CORO1C: variants seen among roughly 807,000 people sequenced by gnomAD.
The protein encoded by CORO1C is coronin-1C.
Under a neutral mutation model 51.2 loss-of-function variants are expected in CORO1C, and 14 were observed. The observed-to-expected ratio is 0.27, with a 90% CI of 0.18 to 0.43. The LOEUF (loss-of-function observed/expected upper bound fraction) is 0.43. CORO1C is among the 20% of genes least tolerant of loss of function. CORO1C has a pLI of 1.00. For synonymous variants in CORO1C, 181 were observed against 210.5 expected, an observed-to-expected ratio of 0.86 and a Z score of 1.21; for missense variants, 417 against 607.8, an observed-to-expected ratio of 0.69 and a Z score of 3.30.
At chr12:108,648,919 A>C (rs1016189130) in intron 9 of CORO1C, 44 bp downstream of exon 9, 1 of 1,610,708 alleles carries the variant, frequency 6.2e-7, no homozygotes, top group Non-Finnish European at 8.5e-7. Context: ...TTTTATTTTT[A>C]CATTTGTTTA....
intron 4 of CORO1C, among the ~76,000 whole-genome samples, chr12:108,661,055 G>T (rs1419833121): frequency 6.6e-6 from 1 of 151,982 alleles, no homozygotes; most frequent in African/African-American, 2.4e-5. Flanking sequence ...TTTTATTAAG[G>T]TATAACTTAC....
At chr12:108,709,129 A>G (rs560080300) in intron 1 of CORO1C, among the ~76,000 whole-genome samples, 1 of 152,226 alleles carries the variant, frequency 6.6e-6, no homozygotes, top group African/African-American at 2.4e-5. Flanking sequence ...TTATATATAT[A>G]TACTATAAAC....
chr12:108,677,244 T>C (rs527246620), intron 3 of CORO1C, among the ~76,000 whole-genome samples: 1 of 152,242 alleles, frequency 6.6e-6, no homozygotes, highest in South Asian at 2.1e-4. Context: ...CTTTTCAGCC[T>C]ACTTTGGGCT....
At chr12:108,728,275 T>C (rs2035636717) in intron 1 of CORO1C, among the ~76,000 whole-genome samples, 1 of 152,072 alleles carries the variant, frequency 6.6e-6, no homozygotes, top group Non-Finnish European at 1.5e-5. Flanking sequence ...CACCCAAATG[T>C]TCATCAACTG....
chr12:108,679,109 C>CAAAAAAAAAAAAAAAAAAAAAAAAAAAAA (rs1183326267), intron 2 of CORO1C, among the ~76,000 whole-genome samples: 1 of 22,158 alleles, frequency 4.5e-5, no homozygotes, highest in African/African-American at 1.4e-4. Context: ...GACTCTGTCT[C>CAAAAAAAAAAAAAAAAAAAAAAAAAAAAA]AAAAAAAAAA....
rs773732877 is a variant in CORO1C at position 108,678,406 on chromosome 12, G to A, written c.196-12C>T. 4 of 1,564,270 alleles carry A rather than the reference G, an allele frequency of 2.6e-6. No homozygotes were observed. The South Asian group carries it at 3.5e-5, about 14-fold the overall frequency. On this transcript the variant is annotated splice_polypyrimidine_tract_variant and intron_variant, in intron 2 of 10. Coordinates refer to ENST00000261401, the MANE Select transcript of CORO1C (RefSeq NM_014325.4). ...TCAATTCGACCAGTCTGAAAGAAGA[G>A]AGAAACAAACCTATTATGTAATATC...
intron 1 of CORO1C, chr12:108,701,965 C>G (rs1490817078): frequency 6.4e-6 from 1 of 155,274 alleles, no homozygotes; most frequent in Non-Finnish European, 1.4e-5. Flanking sequence ...GAGCAACTCA[C>G]TACCAAACCG....
At chr12:108,681,336 G>A (rs1357986577) in intron 2 of CORO1C, among the ~76,000 whole-genome samples, 3 of 152,198 alleles carry the variant, frequency 2.0e-5, no homozygotes, top group African/African-American at 4.8e-5. Context: ...AAATGCATAA[G>A]TCTTTAGATT....
Position 108,678,395 on chromosome 12 carries a change from C to A in CORO1C, c.196-1G>T. 6.3e-7 allele frequency: 1 copy of A among 1,575,686 alleles called. No homozygotes were observed. The highest frequency in any genetic ancestry group is 8.6e-7 in the Non-Finnish European group (1 of 1,159,048). On this transcript the variant is annotated splice_acceptor_variant, in intron 2 of 10. Transcript: ENST00000261401. LOFTEE classifies it high-confidence loss of function. ...GGTAAGATTTGTCAATTCGACCAGT[C>A]TGAAAGAAGAGAGAAACAAACCTAT...
At chr12:108,673,810 A>G (rs962087066) in intron 3 of CORO1C, among the ~76,000 whole-genome samples, 1 of 152,196 alleles carries the variant, frequency 6.6e-6, no homozygotes, top group Non-Finnish European at 1.5e-5. Context: ...GCACACCAGC[A>G]TGGCACATGT....
chr12:108,653,338 G>A (rs1351897528), intron 7 of CORO1C, among the ~76,000 whole-genome samples: 1 of 152,196 alleles, frequency 6.6e-6, no homozygotes, highest in African/African-American at 2.4e-5. Flanking sequence ...CTTAACACCT[G>A]TTAACATCTG....
At chr12:108,657,251 G>A in intron 6 of CORO1C, 53 bp downstream of exon 6, 7 of 1,594,166 alleles carry the variant, frequency 4.4e-6, no homozygotes, top group Non-Finnish European at 6.0e-6. Context: ...GACCTGCTCA[G>A]AACAGAGAGA....
chr12:108,703,434 A>G (rs1485737430), intron 1 of CORO1C, among the ~76,000 whole-genome samples: 1 of 152,244 alleles, frequency 6.6e-6, no homozygotes. Flanking sequence ...ACATGAAAGG[A>G]CAAGAGGACT....
chr12:108,672,233 T>C (rs1014605690), intron 3 of CORO1C, among the ~76,000 whole-genome samples: 2 of 152,250 alleles, frequency 1.3e-5, no homozygotes, highest in African/African-American at 4.8e-5. Flanking sequence ...CAATGATTGA[T>C]GGAGAGTACT....
chr12:108,660,918 C>A (rs1311226824), intron 4 of CORO1C, among the ~76,000 whole-genome samples: 3 of 152,198 alleles, frequency 2.0e-5, no homozygotes, highest in Non-Finnish European at 2.9e-5. Flanking sequence ...ATTTAACTCA[C>A]TATGAGTCAT....
chr12:108,685,784 C>CA (rs1331017234), intron 2 of CORO1C, among the ~76,000 whole-genome samples: 2 of 151,952 alleles, frequency 1.3e-5, no homozygotes, highest in Non-Finnish European at 2.9e-5. Flanking sequence ...AAGAGAAAAG[C>CA]AATTGACTAA....
chr12:108,655,837 G>A (rs143899708), intron 6 of CORO1C, among the ~76,000 whole-genome samples: 3,881 of 152,170 alleles, frequency 0.026, 179 homozygotes, highest in African/African-American at 0.089. Flanking sequence ...CTGCCTGGCC[G>A]CCCATCGTCT....
chr12:108,704,700 A>G (rs184729111), intron 1 of CORO1C, among the ~76,000 whole-genome samples: 1 of 152,266 alleles, frequency 6.6e-6, no homozygotes, highest in East Asian at 1.9e-4. Context: ...GTCAAATCTG[A>G]TCTGGGCTCA....
At chr12:108,679,260 A>G (rs747229949) in intron 2 of CORO1C, among the ~76,000 whole-genome samples, 4 of 151,994 alleles carry the variant, frequency 2.6e-5, no homozygotes, top group Non-Finnish European at 5.9e-5. Context: ...GCTATCCTCA[A>G]TCAACAGAAA....
Sources: gnomAD v4.1 joint callset for allele counts (sites outside exome capture counted in the v4.1 genomes callset) on GRCh38, gnomAD v4.1.1 for gene constraint, MANE v1.5 for transcripts, NCBI Gene and HGNC (gene_info 2026-07-23, HGNC 2026-07-21) for gene names.